LCNL1: variants seen among roughly 807,000 people sequenced by gnomAD.
LCNL1 encodes the protein lipocalin-like 1 protein.
LCNL1 carries 11 observed loss-of-function variants against 7.9 expected under a neutral mutation model. The ratio of observed to expected loss-of-function variants is 1.40; its 90% CI spans 0.88 to 2.32. The LOEUF is 2.32. Ranked by LOEUF, LCNL1 falls within the 30% of genes most tolerant of loss-of-function variation. The pLI is 0.00. For synonymous variants in LCNL1, 90 were observed against 92.5 expected (o/e 0.97, Z 0.15); for missense variants, 218 against 217.0 (o/e 1.00, Z -0.03).
Position 136,983,430 on chromosome 9 carries a change from C to T in LCNL1, c.-157C>T. The stretch of plus-strand genomic sequence containing the variant: ...TGCTCATGTACTGAGGCCCCCCTCC[C>T]TCAGTTCTGCATCGGGGTCGAGATG... On this transcript the variant is annotated 5_prime_UTR_variant, in exon 1 of 3. Transcript: ENST00000408973. 1 of 858,442 alleles carries T rather than the reference C, an allele frequency of 1.2e-6. No homozygotes were observed. The highest frequency in any genetic ancestry group is 1.6e-5 in the South Asian group (1 of 63,516). 53.2% of individuals were successfully genotyped at this position (858,442 alleles called of 1,614,324 possible). A position where few individuals can be genotyped will look rare whatever the true frequency, so the allele number is the denominator to read the frequency against.
At position 136,985,434 on chromosome 9, in the gene LCNL1, A is replaced by G. The variant is rs1463169444; in HGVS notation, c.*423A>G. The G allele has an allele frequency of 1.2e-5, 2 of 167,922 alleles. No individual in the cohort carries two copies. The highest frequency in any genetic ancestry group is 4.8e-5 in the African/African-American group (2 of 42,004). 10.4% of individuals were successfully genotyped at this position (167,922 alleles called of 1,614,324 possible). On this transcript the variant is annotated 3_prime_UTR_variant, in exon 3 of 3. Transcript: ENST00000408973. ...GCGCGCTCTCCCGGGTGAGTAGACC[A>G]TGGCCATGCGGAGCCGCGGACCATG... is the stretch of plus-strand genomic sequence containing the variant.
intron 1 of LCNL1, 123 bp downstream of exon 1, chr9:136,983,831 G>T: frequency 6.5e-6 from 9 of 1,380,484 alleles, no homozygotes; most frequent in Non-Finnish European, 8.0e-6. Flanking sequence ...GTCCTCGACG[G>T]CTCTGTGCGG....
At chr9:136,984,421 A>G (rs1398261635) in intron 1 of LCNL1, 69 bp from the exon 2 acceptor site, 92 of 1,385,028 alleles carry the variant, frequency 6.6e-5, no homozygotes, top group Non-Finnish European at 8.8e-5. Flanking sequence ...CAGAGACAGC[A>G]AGGTAGGCTC....
Position 136,984,950 on chromosome 9 carries a change from G to C in LCNL1, c.434G>C (p.Arg145Pro). 1 of 1,545,174 alleles carries C rather than the reference G, an allele frequency of 6.5e-7. No homozygotes were observed. The highest frequency in any genetic ancestry group is 8.7e-7 in the Non-Finnish European group (1 of 1,147,288). Residue 145 changes from arginine (R) to proline (P), a missense_variant, in exon 3 of 3, where the codon CGG (arginine) becomes CCG (proline). Arg to Pro is a moderately radical substitution (Grantham distance 103). Coordinates refer to ENST00000408973, the MANE Select transcript of LCNL1 (RefSeq NM_207510.4). ...GTAGSWCLWP[R>P]VPAPPCPSLP... ...GCTGGCTCCTGGTGTCTGTGGCCGC[G>C]GGTCCCGGCCCCTCCCTGCCCCTCT... is the stretch of plus-strand genomic sequence containing the variant.
rs186455046 is a variant in LCNL1 at position 136,985,047 on chromosome 9, G to C, written c.*36G>C. On this transcript the variant is annotated 3_prime_UTR_variant, in exon 3 of 3. Coordinates refer to ENST00000408973, the MANE Select transcript of LCNL1 (RefSeq NM_207510.4). ...CTCCCCACCTTCAGCTCGAGCGCCC[G>C]AGCTGTTTCCCGAAGGCGCCCAGAA... 1.4e-6 allele frequency: 2 copies of C among 1,422,290 alleles called. No individual in the cohort carries two copies. The highest frequency in any genetic ancestry group is 1.9e-6 in the Non-Finnish European group (2 of 1,078,654). 88.1% of individuals were successfully genotyped at this position (1,422,290 alleles called of 1,614,324 possible).
chr9:136,983,573 A>G lies in LCNL1; in HGVS notation c.-14A>G. ...TTCCCTGCACTTGCCCTGCAGTTCC[A>G]GGGCACCTGGTACATGGTCGGGGTG... On this transcript the variant is annotated 5_prime_UTR_variant, in exon 1 of 3. Transcript: ENST00000408973. 6.2e-7 allele frequency: 1 copy of G among 1,612,012 alleles called. No individual in the cohort carries two copies. The highest frequency in any genetic ancestry group is 1.1e-5 in the South Asian group (1 of 91,058).
rs747074851 is a variant in LCNL1 at position 136,984,864 on chromosome 9, C to G, written c.348C>G (p.Phe116Leu). The G allele has an allele frequency of 1.9e-6, 3 of 1,560,958 alleles. No individual in the cohort carries two copies. Among genetic ancestry groups the G allele is most frequent in the Non-Finnish European group, 1.7e-6 (2 of 1,152,432 alleles). ...GGCGGAGACCCAGACACCCCCGCTT[C>G]GGGTCTGGGATGTCACCCCTGTGCC... ...AAGRRPRHPR[F>L]GSGMSPLCLH... The change falls in exon 3 of 3, where the codon TTC becomes TTG. Residue 116 changes from phenylalanine to leucine, a missense_variant. By Grantham distance (22) the Phe-to-Leu change is conservative. Coordinates refer to ENST00000408973, the MANE Select transcript of LCNL1 (RefSeq NM_207510.4).
Position 136,983,690 on chromosome 9 carries a change from T to A in LCNL1, c.104T>A (p.Leu35His), listed in dbSNP as rs1221641876. 2 of 1,613,914 alleles carry A rather than the reference T, an allele frequency of 1.2e-6. No individual in the cohort carries two copies. The highest frequency in any genetic ancestry group is 2.2e-5 in the East Asian group (1 of 44,886). The change falls in exon 1 of 3, where the codon CTC becomes CAC. Residue 35 changes from leucine (L) to histidine (H), a missense_variant. Transcript: ENST00000408973. Reference protein sequence around the residue: ...VTPLGNGDLALKFGYPTPHGG... With the variant: ...VTPLGNGDLAHKFGYPTPHGG... Reference sequence around the variant, plus strand: ...CCCTTGGGGAATGGTGACCTGGCCCTCAAGTTTGGATACCCCACGTAAGTG... The same window carrying A: ...CCCTTGGGGAATGGTGACCTGGCCCACAAGTTTGGATACCCCACGTAAGTG...
At chr9:136,983,795 C>G in intron 1 of LCNL1, 87 bp downstream of exon 1, 1 of 1,569,710 alleles carries the variant, frequency 6.4e-7, no homozygotes, top group African/African-American at 1.3e-5. Flanking sequence ...CCATGGTGTC[C>G]CCAGCACATT....
chr9:136,983,246 A>C lies in LCNL1; in HGVS notation c.-341A>C, dbSNP rs968516. On this transcript the variant is annotated 5_prime_UTR_variant, in exon 1 of 3. Transcript: ENST00000408973. ...ACCTTTTCAGTTGCATCCCCCAACA[A>C]TCCCCAGGGCCCAAAATAGGGACAA... is the stretch of plus-strand genomic sequence containing the variant. 0.97 allele frequency: 255,827 copies of C among 264,654 alleles called. 123,665 individuals carry two copies. Among genetic ancestry groups the C allele is most frequent in the East Asian group, 1 (12,105 of 12,108 alleles). 16.4% of individuals were successfully genotyped at this position (264,654 alleles called of 1,614,324 possible). A position where few individuals can be genotyped will look rare whatever the true frequency, so the allele number is the denominator to read the frequency against.
In LCNL1 at chr9:136,983,509, G is replaced by T. The variant is rs1033866166; in HGVS notation, c.-78G>T. On this transcript the variant is annotated 5_prime_UTR_variant, in exon 1 of 3. Coordinates refer to ENST00000408973, the MANE Select transcript of LCNL1 (RefSeq NM_207510.4). ...AGCAGCTGTGTCGGGGCAGAATGTG[G>T]TGGGCTCAGGCCCAGGGCACAGGGG... 27 of 1,573,352 alleles carry T rather than the reference G, an allele frequency of 1.7e-5. 1 individual carries two copies. In the Admixed American group the frequency reaches 3.9e-4, roughly 23 times the overall value.
At position 136,984,842 on chromosome 9, in the gene LCNL1, G is replaced by A. The variant is rs756026829; in HGVS notation, c.326G>A (p.Arg109Gln). 37 of 1,567,076 alleles carry A rather than the reference G, an allele frequency of 2.4e-5. No individual in the cohort carries two copies. The highest frequency in any genetic ancestry group is 1.7e-4 in the Middle Eastern group (1 of 6,018). Residue 109 changes from arginine (R) to glutamine (Q), a missense_variant, in exon 3 of 3, where the codon CGG becomes CAG. Arg to Gln is a conservative substitution (Grantham distance 43, BLOSUM62 1). Coordinates refer to ENST00000408973, the MANE Select transcript of LCNL1 (RefSeq NM_207510.4). ...LQLYGGRAAG[R>Q]RPRHPRFGSG... is the part of the protein sequence containing the mutation. The stretch of plus-strand genomic sequence containing the variant: ...CTCTACGGTGGGCGGGCTGCGGGGC[G>A]GAGACCCAGACACCCCCGCTTCGGG...
At chr9:136,983,753 C>T (rs1265989253) in intron 1 of LCNL1, 45 bp downstream of exon 1, 38 of 1,602,796 alleles carry the variant, frequency 2.4e-5, no homozygotes, top group Non-Finnish European at 3.2e-5. Context: ...CAGAGGATGG[C>T]CAGCATGAGG....
At chr9:136,983,842 C>A in intron 1 of LCNL1, 134 bp downstream of exon 1, 1 of 1,277,108 alleles carries the variant, frequency 7.8e-7, no homozygotes, top group Non-Finnish European at 1.1e-6. Context: ...CTCTGTGCGG[C>A]AGAGCCCCAG....
chr9:136,984,038 G>A, intron 1 of LCNL1: 1 of 419,474 alleles, frequency 2.4e-6, no homozygotes, highest in Non-Finnish European at 4.4e-6. Context: ...ATGCATGTGT[G>A]TCTTTGTAGA....
At chr9:136,983,841 G>T (rs530472751) in intron 1 of LCNL1, 133 bp downstream of exon 1, 2 of 1,280,264 alleles carry the variant, frequency 1.6e-6, no homozygotes, top group South Asian at 2.7e-5. Context: ...GCTCTGTGCG[G>T]CAGAGCCCCA....
At position 136,983,606 on chromosome 9, in the gene LCNL1, A is replaced by G; in HGVS notation, c.20A>G (p.Asp7Gly). The G allele has an allele frequency of 6.2e-7, 1 of 1,613,814 alleles. No individual in the cohort carries two copies. The highest frequency in any genetic ancestry group is 8.5e-7 in the Non-Finnish European group (1 of 1,179,812). Reference protein sequence around the residue: MVGVVSDDQDFLDSKDT... With the variant: MVGVVSGDQDFLDSKDT... The stretch of plus-strand genomic sequence containing the variant: ...TGGTACATGGTCGGGGTGGTGTCAG[A>G]TGACCAGGACTTCCTGGACTCCAAG... The change falls in exon 1 of 3, where the codon GAT becomes GGT. Residue 7 changes from aspartate (D) to glycine (G), a missense_variant. Transcript: ENST00000408973.
chr9:136,984,930 C>T lies in LCNL1; in HGVS notation c.414C>T (p.Gly138=). The change falls in exon 3 of 3, where the codon GGC becomes GGT. Residue 138 remains glycine, a synonymous_variant. Transcript: ENST00000408973. ...TGCACGCGGAAGGTGGAACCGCTGG[C>T]TCCTGGTGTCTGTGGCCGCGGGTCC... is the stretch of plus-strand genomic sequence containing the variant. The part of the protein sequence containing the change: ...PFLHAEGGTA[G]SWCLWPRVPA... The T allele has an allele frequency of 7.1e-6, 11 of 1,553,122 alleles. No individual in the cohort carries two copies. Among genetic ancestry groups the T allele is most frequent in the Non-Finnish European group, 9.6e-6 (11 of 1,148,504 alleles).
In LCNL1 at chr9:136,983,454, T is replaced by A; in HGVS notation, c.-133T>A. 9.4e-7 allele frequency: 1 copy of A among 1,069,354 alleles called. No individual in the cohort carries two copies. The highest frequency in any genetic ancestry group is 1.4e-5 in the South Asian group (1 of 71,336). 66.2% of individuals were successfully genotyped at this position (1,069,354 alleles called of 1,614,324 possible). On this transcript the variant is annotated 5_prime_UTR_variant, in exon 1 of 3. The change abolishes an upstream ATG in the 5' untranslated region. Coordinates refer to ENST00000408973, the MANE Select transcript of LCNL1 (RefSeq NM_207510.4). ...CCTCAGTTCTGCATCGGGGTCGAGATGTGTACAGCAGCCCCTGCCGTGGCC... is the reference window on the plus strand; with the variant it reads ...CCTCAGTTCTGCATCGGGGTCGAGAAGTGTACAGCAGCCCCTGCCGTGGCC...
Sources: gnomAD v4.1 joint callset for allele counts on GRCh38, gnomAD v4.1.1 for gene constraint, MANE v1.5 for transcripts, NCBI Gene and HGNC (gene_info 2026-07-23, HGNC 2026-07-21) for gene names.